Variants in CUX2 observed in about 807,000 individuals in gnomAD.
The protein encoded by CUX2 is homeobox protein cut-like 2.
A neutral mutation model predicts 144.8 loss-of-function variants in CUX2; 40 were observed. The ratio of observed to expected loss-of-function variants is 0.28; its 90% CI spans 0.21 to 0.36. The LOEUF is 0.36. CUX2 is among the 10% of genes least tolerant of loss of function. The pLI is 1.00. For synonymous variants in CUX2, 827 were observed against 875.6 expected (o/e 0.94, Z 0.98); for missense variants, 1,615 against 1,994.0 (o/e 0.81, Z 3.62).
At chr12:111,181,387 G>A (rs1054115151) in intron 1 of CUX2, among the ~76,000 whole-genome samples, 3 of 152,230 alleles carry the variant, frequency 2.0e-5, no homozygotes, top group Non-Finnish European at 4.4e-5. Context: ...GCTTGGAGGC[G>A]CCGGTAATAA....
At chr12:111,082,046 A>G (rs1412386757) in intron 1 of CUX2, among the ~76,000 whole-genome samples, 1 of 152,104 alleles carries the variant, frequency 6.6e-6, no homozygotes, top group Non-Finnish European at 1.5e-5. Flanking sequence ...ATTATAGGCA[A>G]TTTTCGTGTT....
chr12:111,218,378 T>C (rs1037782489), intron 3 of CUX2, among the ~76,000 whole-genome samples: 1 of 151,966 alleles, frequency 6.6e-6, no homozygotes, highest in African/African-American at 2.4e-5. Context: ...TAGCTAGTCA[T>C]GGTGGCACGT....
At position 111,171,150 on chromosome 12, in the gene CUX2, A is replaced by G. The variant is rs997895735; in HGVS notation, c.64-43050A>G. On this transcript the variant is annotated intron_variant, in intron 1 of 21. Transcript: ENST00000261726. The surrounding 1 kb of genome is among the most constrained non-coding windows in gnomAD (Gnocchi z 5.0). ...CCAGCAGGTGTCAGTGGCTGATTCC[A>G]CTTGGGGGTGACAGAGATGGAGAAG... Among the ~76,000 whole-genome samples, 3 of 152,092 alleles carry G rather than the reference A, an allele frequency of 2.0e-5. No individual in the cohort carries two copies. Among genetic ancestry groups the G allele is most frequent in the Non-Finnish European group, 4.4e-5 (3 of 68,018 alleles).
intron 18 of CUX2, among the ~76,000 whole-genome samples, chr12:111,327,708 G>C (rs1190718899): frequency 6.6e-6 from 1 of 152,164 alleles, no homozygotes; most frequent in Non-Finnish European, 1.5e-5. Context: ...GTGGGACCAT[G>C]CACGGCCTGG....
intron 1 of CUX2, among the ~76,000 whole-genome samples, chr12:111,185,971 C>A (rs769469798): frequency 5.9e-5 from 9 of 151,768 alleles, no homozygotes; most frequent in Non-Finnish European, 1.2e-4. Context: ...CTCTCTCCCC[C>A]TCTCTTTCTG....
intron 16 of CUX2, among the ~76,000 whole-genome samples, chr12:111,317,923 C>G (rs1277124982): frequency 6.6e-6 from 1 of 152,124 alleles, no homozygotes; most frequent in African/African-American, 2.4e-5. Flanking sequence ...TTGCCTGAAC[C>G]TGGGAGGCAG....
Position 111,255,578 on chromosome 12 carries a change from G to A in CUX2, c.223-8183G>A, listed in dbSNP as rs1307216949. 6.6e-6 allele frequency among the ~76,000 whole-genome samples: 1 copy of A among 152,198 alleles called. No homozygotes were observed. The highest frequency in any genetic ancestry group is 1.9e-4 in the East Asian group (1 of 5,186). ...AAAGAATCGATTCTGAGTGGAGGCT[G>A]AGAAGCATGGGCTTTGCTGTCAGAC... On this transcript the variant is annotated intron_variant, in intron 3 of 21. Transcript: ENST00000261726. The surrounding 1 kb of genome is among the most constrained non-coding windows in gnomAD (Gnocchi z 4.1).
At chr12:111,060,583 A>G (rs555730804) in intron 1 of CUX2, among the ~76,000 whole-genome samples, 1 of 152,374 alleles carries the variant, frequency 6.6e-6, no homozygotes, top group African/African-American at 2.4e-5. Flanking sequence ...TTAGAGGCTC[A>G]ATAAATGCCC....
chr12:111,226,246 C>G (rs1478574934), intron 3 of CUX2, among the ~76,000 whole-genome samples: 1 of 152,194 alleles, frequency 6.6e-6, no homozygotes, highest in Non-Finnish European at 1.5e-5. Flanking sequence ...ACCTGGCCTT[C>G]CCATCCTCCC....
At chr12:111,249,400 C>CTTTTT (rs778334868) in intron 3 of CUX2, among the ~76,000 whole-genome samples, 2 of 80,112 alleles carry the variant, frequency 2.5e-5, no homozygotes, top group African/African-American at 4.7e-5. Context: ...GTGCTATTGC[C>CTTTTT]TTTTTTTTTT....
Position 111,320,586 on chromosome 12 carries a change from C to T in CUX2, c.2577C>T (p.Ala859=). The T allele has an allele frequency of 6.6e-7, 1 of 1,520,204 alleles. No individual in the cohort carries two copies. The highest frequency in any genetic ancestry group is 8.8e-7 in the Non-Finnish European group (1 of 1,142,052). 94.2% of individuals were successfully genotyped at this position (1,520,204 alleles called of 1,614,324 possible). A position where few individuals can be genotyped will look rare whatever the true frequency, so the allele number is the denominator to read the frequency against. The stretch of plus-strand genomic sequence containing the variant: ...AGCTCAAGGCTGAGGGCGCGACGGC[C>T]GAGGCGGGCGCGCGGCTGCCCTACT... ...TGELKAEGAT[A]EAGARLPYYP... is the part of the protein sequence containing the mutation. Residue 859 remains alanine (A), a synonymous_variant, in exon 17 of 22, where the codon GCC becomes GCT. Transcript: ENST00000261726. This position sits in a 1 kb window ranked among gnomAD's most constrained non-coding sequence, Gnocchi z 8.1.
intron 1 of CUX2, among the ~76,000 whole-genome samples, chr12:111,051,324 T>C (rs979609463): frequency 3.9e-5 from 6 of 152,158 alleles, no homozygotes; most frequent in African/African-American, 1.4e-4. Context: ...CTGTTGAAAG[T>C]GGGGTGTTGA....
intron 1 of CUX2, among the ~76,000 whole-genome samples, chr12:111,047,222 A>G (rs142046146): frequency 5.0e-4 from 76 of 152,370 alleles, no homozygotes; most frequent in Non-Finnish European, 9.6e-4. Context: ...GATAATAAGC[A>G]GGTATTGATT....
chr12:111,094,417 G>A (rs1667559988), intron 1 of CUX2, among the ~76,000 whole-genome samples: 1 of 152,248 alleles, frequency 6.6e-6, no homozygotes, highest in Admixed American at 6.5e-5. Context: ...AACTTCTGCT[G>A]TTAACTGAGC....
At chr12:111,202,782 C>T (rs1049650891) in intron 1 of CUX2, among the ~76,000 whole-genome samples, 5 of 151,922 alleles carry the variant, frequency 3.3e-5, no homozygotes, top group African/African-American at 4.8e-5. Flanking sequence ...AAGCAGAGGG[C>T]GGCTGAGGTA....
At chr12:111,075,149 G>A (rs1287723072) in intron 1 of CUX2, among the ~76,000 whole-genome samples, 1 of 145,936 alleles carries the variant, frequency 6.9e-6, no homozygotes, top group Non-Finnish European at 1.5e-5. Flanking sequence ...CGCTCTCCCT[G>A]GCTCTGGAGG....
intron 1 of CUX2, among the ~76,000 whole-genome samples, chr12:111,181,025 C>T (rs1278312589): frequency 3.3e-5 from 5 of 152,216 alleles, no homozygotes; most frequent in Non-Finnish European, 4.4e-5. Context: ...TTATCGACTG[C>T]GCCGGAATAG....
In CUX2 at chr12:111,334,565, C is replaced by T; in HGVS notation, c.3051C>T (p.Gly1017=). 1 of 1,613,994 alleles carries T rather than the reference C, an allele frequency of 6.2e-7. No homozygotes were observed. Among genetic ancestry groups the T allele is most frequent in the Non-Finnish European group, 8.5e-7 (1 of 1,180,004 alleles). ...GCAAGGAGAACCAGCAGCCAGAGGG[C>T]CGCTCCAGCTCCTCGTTGAGCGGGA... is the stretch of plus-strand genomic sequence containing the variant. ...ESSKENQQPE[G]RSSSSLSGKM... Residue 1017 remains glycine, a synonymous_variant, in exon 19 of 22, where the codon GGC becomes GGT. Coordinates refer to ENST00000261726, the MANE Select transcript of CUX2 (RefSeq NM_015267.4).
chr12:111,318,599 T>TAAAA (rs1320526925), intron 16 of CUX2, among the ~76,000 whole-genome samples: 53 of 147,388 alleles, frequency 3.6e-4, no homozygotes, highest in African/African-American at 1.3e-3. Context: ...TCTCTTTTTT[T>TAAAA]AAAAAAAAAA....
Sources: gnomAD v4.1 joint callset for allele counts (sites outside exome capture counted in the v4.1 genomes callset) on GRCh38, gnomAD v4.1.1 for gene constraint, Gnocchi (gnomAD v3.1) non-coding constraint, MANE v1.5 for transcripts, NCBI Gene and HGNC (gene_info 2026-07-23, HGNC 2026-07-21) for gene names.